Variants in MS4A10 observed in about 807,000 individuals in gnomAD.
MS4A10 encodes membrane spanning 4-domains A10.
MS4A10 carries 27 observed loss-of-function variants against 27.7 expected under a neutral mutation model. The observed-to-expected ratio is 0.98, with a 90% CI of 0.72 to 1.35. MS4A10 has a LOEUF of 1.35. Ranked by LOEUF, MS4A10 falls within the 40% of genes most tolerant of loss-of-function variation. The probability of loss-of-function intolerance (pLI) is 0.00; values close to 1 mark genes in which losing one functional copy is unlikely to be tolerated. For synonymous variants in MS4A10, 139 were observed against 131.2 expected (o/e 1.06, Z -0.41); for missense variants, 338 against 324.7 (o/e 1.04, Z -0.32).
At chr11:60,791,351 A>G (rs1455299449) in intron 3 of MS4A10, among the ~76,000 whole-genome samples, 3 of 152,190 alleles carry the variant, frequency 2.0e-5, no homozygotes, top group Non-Finnish European at 4.4e-5. Flanking sequence ...ATAATTGAAT[A>G]TGTGCATTTG....
intron 7 of MS4A10, among the ~76,000 whole-genome samples, 163 bp downstream of exon 7, chr11:60,798,677 A>G (rs1854574034): frequency 1.3e-5 from 2 of 152,128 alleles, no homozygotes; most frequent in African/African-American, 4.8e-5. Flanking sequence ...CAAGGCAGCA[A>G]TGGTCCTATC....
At chr11:60,789,392 C>A (rs1324895197) in intron 1 of MS4A10, among the ~76,000 whole-genome samples, 2 of 152,234 alleles carry the variant, frequency 1.3e-5, no homozygotes, top group African/African-American at 4.8e-5. Context: ...AAGTCCCAGG[C>A]AGCCCCCAAG....
rs545800662 is a variant in MS4A10 at position 60,791,205 on chromosome 11, C to A, written c.303+112C>A. On this transcript the variant is annotated intron_variant, in intron 3 of 7. Coordinates refer to ENST00000308287, the MANE Select transcript of MS4A10 (RefSeq NM_206893.4). ...GGGATAGAGAGAGCTAATAGGAGTG[C>A]GGCAGAAGCGAGGCCCTTTCTCCAG... 4.0e-5 allele frequency: 55 copies of A among 1,388,376 alleles called. No homozygotes were observed. The East Asian group carries it at 7.7e-4, about 19-fold the overall frequency. The allele number at this position is 1,388,376 out of a possible 1,614,324, so 86.0% of individuals were successfully genotyped here. A position where few individuals can be genotyped will look rare whatever the true frequency, so the allele number is the denominator to read the frequency against.
At chr11:60,794,185 C>T in intron 5 of MS4A10, 82 bp downstream of exon 5, 9 of 1,547,922 alleles carry the variant, frequency 5.8e-6, no homozygotes, top group South Asian at 1.2e-5. Context: ...TTCCAGCTCA[C>T]AGAAAGCCCC....
In MS4A10 at chr11:60,800,071, C is replaced by G; in HGVS notation, c.*162C>G. 1 of 1,021,872 alleles carries G rather than the reference C, an allele frequency of 9.8e-7. No homozygotes were observed. Among genetic ancestry groups the G allele is most frequent in the Non-Finnish European group, 1.4e-6 (1 of 700,416 alleles). 63.3% of individuals were successfully genotyped at this position (1,021,872 alleles called of 1,614,324 possible). On this transcript the variant is annotated 3_prime_UTR_variant, in exon 8 of 8. Transcript: ENST00000308287. The stretch of plus-strand genomic sequence containing the variant: ...ACAGCTCCTGGGAACGCTGTCCTCT[C>G]AGATAAGCCATTTCTTACATAGTTG...
At chr11:60,793,863 C>T in intron 4 of MS4A10, 109 bp from the exon 5 acceptor site, 1 of 1,269,932 alleles carries the variant, frequency 7.9e-7, no homozygotes, top group Non-Finnish European at 1.1e-6. Context: ...CAGTGACAGG[C>T]AGAGTCTCTC....
Position 60,800,207 on chromosome 11 carries a change from G to A in MS4A10, c.*298G>A, listed in dbSNP as rs1449269762. The stretch of plus-strand genomic sequence containing the variant: ...GCTCTGTTGCCCAGCCCAGAGTACA[G>A]TGGCACTATCTCAGCTCACTGCAAT... On this transcript the variant is annotated 3_prime_UTR_variant, in exon 8 of 8. Coordinates refer to ENST00000308287, the MANE Select transcript of MS4A10 (RefSeq NM_206893.4). 5.6e-6 allele frequency: 2 copies of A among 356,992 alleles called. No individual in the cohort carries two copies. Among genetic ancestry groups the A allele is most frequent in the Non-Finnish European group, 1.0e-5 (2 of 193,926 alleles). 22.1% of individuals were successfully genotyped at this position (356,992 alleles called of 1,614,324 possible).
intron 1 of MS4A10, among the ~76,000 whole-genome samples, chr11:60,786,010 G>A (rs1222401863): frequency 6.6e-6 from 1 of 152,028 alleles, no homozygotes; most frequent in Admixed American, 6.5e-5. Flanking sequence ...CAGTACAGTC[G>A]TAGGTGGTTT....
Position 60,797,854 on chromosome 11 carries a change from G to A in MS4A10, c.604-542G>A, listed in dbSNP as rs138799123. Among the ~76,000 whole-genome samples the A allele has an allele frequency of 4.4e-3, 667 of 152,314 alleles. 4 individuals are homozygous for A. The highest frequency in any genetic ancestry group is 0.017 in the Middle Eastern group (5 of 294). The stretch of plus-strand genomic sequence containing the variant: ...AAAAAATGAACCTTAGAAGAGTTAC[G>A]TGACTTCCCATGGTCTCACAGCCAG... On this transcript the variant is annotated intron_variant, in intron 6 of 7. Coordinates refer to ENST00000308287, the MANE Select transcript of MS4A10 (RefSeq NM_206893.4).
rs146746011 is a variant in MS4A10, at chr11:60,790,983, A to C, written c.193A>C (p.Ile65Leu). The change falls in exon 3 of 8, where the codon ATC (isoleucine) becomes CTC (leucine). Residue 65 changes from isoleucine (I) to leucine (L), a missense_variant. By Grantham distance (5) the Ile-to-Leu change is conservative. Coordinates refer to ENST00000308287, the MANE Select transcript of MS4A10 (RefSeq NM_206893.4). Reference protein sequence around the residue: ...SLLKELGAFHITIALLHLVFG... With the variant: ...SLLKELGAFHLTIALLHLVFG... ...TCTCTTCCCCACCCAGGCCTTCCAC[A>C]TCACCATCGCTCTGCTGCACCTGGT... 3.7e-6 allele frequency: 6 copies of C among 1,613,980 alleles called. No individual in the cohort carries two copies. Among genetic ancestry groups the C allele is most frequent in the Non-Finnish European group, 4.2e-6 (5 of 1,180,014 alleles).
chr11:60,790,029 G>A (rs888359821), intron 1 of MS4A10, among the ~76,000 whole-genome samples: 4 of 152,128 alleles, frequency 2.6e-5, no homozygotes, highest in Admixed American at 1.3e-4. Flanking sequence ...CTTTGGGTGA[G>A]CTCTGTCTTC....
intron 2 of MS4A10, 103 bp downstream of exon 2, chr11:60,790,621 G>C: frequency 7.8e-7 from 1 of 1,279,396 alleles, no homozygotes; most frequent in Non-Finnish European, 1.1e-6. Flanking sequence ...AAAGAGAAAG[G>C]CTCCAGCTTT....
At chr11:60,791,808 T>G (rs920096434) in intron 3 of MS4A10, among the ~76,000 whole-genome samples, 1 of 152,236 alleles carries the variant, frequency 6.6e-6, no homozygotes, top group African/African-American at 2.4e-5. Flanking sequence ...TAGCCCATAG[T>G]AGGTGCTCAG....
intron 7 of MS4A10, 80 bp downstream of exon 7, chr11:60,798,594 T>C: frequency 9.1e-7 from 1 of 1,098,848 alleles, no homozygotes; most frequent in Non-Finnish European, 1.4e-6. Context: ...TAGAAACCAG[T>C]TCCCAGGGGA....
intron 6 of MS4A10, among the ~76,000 whole-genome samples, chr11:60,796,310 T>A (rs1271912660): frequency 6.6e-6 from 1 of 152,052 alleles, no homozygotes; most frequent in Admixed American, 6.5e-5. Context: ...TGAGACTGAG[T>A]CTCACTCTGT....
rs769788228 is a variant in MS4A10, at chr11:60,795,611, C to T, written c.549C>T (p.Phe183=). ...ALLCFTVLEL[F]LPVPTAVTAW... ...TCTGCTTCACTGTCCTAGAGCTCTT[C>T]CTGCCAGTGCCCACAGCTGTCACAG... is the stretch of plus-strand genomic sequence containing the variant. The change falls in exon 6 of 8, where the codon TTC becomes TTT. Residue 183 remains phenylalanine, a synonymous_variant. Coordinates refer to ENST00000308287, the MANE Select transcript of MS4A10 (RefSeq NM_206893.4). 13 of 1,595,960 alleles carry T rather than the reference C, an allele frequency of 8.1e-6. No individual in the cohort carries two copies. The highest frequency in any genetic ancestry group is 1.4e-5 in the African/African-American group (1 of 74,046).
chr11:60,794,201 G>C, intron 5 of MS4A10, 98 bp downstream of exon 5: 2 of 1,461,592 alleles, frequency 1.4e-6, no homozygotes, highest in Non-Finnish European at 1.9e-6. Flanking sequence ...GCCCCTCCTG[G>C]AGCCCAGGTG....
intron 4 of MS4A10, among the ~76,000 whole-genome samples, chr11:60,793,401 CTT>C: frequency 6.6e-6 from 1 of 152,322 alleles, no homozygotes; most frequent in African/African-American, 2.4e-5. Flanking sequence ...TGTGCATAGT[CTT>C]TCCTCACTAG....
At chr11:60,796,788 C>A (rs1854541277) in intron 6 of MS4A10, among the ~76,000 whole-genome samples, 1 of 152,148 alleles carries the variant, frequency 6.6e-6, no homozygotes, top group Admixed American at 6.5e-5. Flanking sequence ...GAAGGCAAGT[C>A]TCTGCTCACC....
Sources: gnomAD v4.1 joint callset for allele counts (sites outside exome capture counted in the v4.1 genomes callset) on GRCh38, gnomAD v4.1.1 for gene constraint, MANE v1.5 for transcripts, NCBI Gene and HGNC (gene_info 2026-07-23, HGNC 2026-07-21) for gene names.